Variants in MIA2 observed in about 807,000 individuals in gnomAD.
MIA2 encodes the protein MIA SH3 domain ER export factor 2, also known as melanoma inhibitory activity protein 2.
Under a neutral mutation model 167.8 loss-of-function variants are expected in MIA2, and 127 were observed. The observed-to-expected ratio is 0.76, with a 90% CI of 0.66 to 0.88. The LOEUF is 0.88. Among genes scored for constraint, MIA2 ranks in the 40% least tolerant of loss-of-function variants. MIA2 has a pLI of 0.00. For synonymous variants in MIA2, 552 were observed against 541.9 expected (o/e 1.02, Z -0.26); for missense variants, 1,690 against 1,624.7 (o/e 1.04, Z -0.69).
intron 19 of MIA2, among the ~76,000 whole-genome samples, chr14:39,314,201 C>G (rs1267718310): frequency 6.6e-6 from 1 of 152,082 alleles, no homozygotes; most frequent in South Asian, 2.1e-4. Flanking sequence ...GCCTGGTCAA[C>G]ATGATGAAAC....
At chr14:39,324,859 G>A (rs995932622) in intron 24 of MIA2, among the ~76,000 whole-genome samples, 2 of 151,986 alleles carry the variant, frequency 1.3e-5, no homozygotes, top group Admixed American at 6.6e-5. Context: ...CGCCCACCTC[G>A]GCCTCCCAGA....
intron 2 of MIA2, among the ~76,000 whole-genome samples, chr14:39,239,571 C>T (rs185680609): frequency 6.6e-6 from 1 of 152,136 alleles, no homozygotes; most frequent in East Asian, 1.9e-4. Context: ...AAAACAAAAA[C>T]AAAAACAAAA....
intron 2 of MIA2, among the ~76,000 whole-genome samples, chr14:39,239,226 T>C (rs771499498): frequency 3.3e-5 from 5 of 152,202 alleles, no homozygotes; most frequent in African/African-American, 4.8e-5. Flanking sequence ...TTCCCAACTT[T>C]CCCTACTGCT....
chr14:39,270,058 A>G (rs1019516679), intron 6 of MIA2, among the ~76,000 whole-genome samples: 2 of 152,170 alleles, frequency 1.3e-5, no homozygotes, highest in Non-Finnish European at 2.9e-5. Context: ...TCCAGAGGTC[A>G]CACCATTTTA....
intron 23 of MIA2, among the ~76,000 whole-genome samples, chr14:39,372,383 G>T (rs535732888): frequency 6.6e-6 from 1 of 152,244 alleles, no homozygotes; most frequent in Non-Finnish European, 1.5e-5. Context: ...TTACATCAAA[G>T]ATCTATGAGT....
chr14:39,277,740 A>G (rs1233800853), intron 7 of MIA2, among the ~76,000 whole-genome samples: 1 of 3,690 alleles, frequency 2.7e-4, no homozygotes, highest in African/African-American at 1.4e-3. Context: ...ATATATATAT[A>G]TATGTGTGTA....
At chr14:39,321,190 T>C in intron 24 of MIA2, 134 bp downstream of exon 24, 2 of 830,048 alleles carry the variant, frequency 2.4e-6, no homozygotes, top group Non-Finnish European at 3.6e-6. Context: ...AGATAACTTT[T>C]ATTTGGAAAA....
intron 6 of MIA2, among the ~76,000 whole-genome samples, chr14:39,263,956 A>G (rs1379597931): frequency 6.6e-6 from 1 of 151,624 alleles, no homozygotes; most frequent in East Asian, 1.9e-4. Flanking sequence ...TCTTATTTCC[A>G]TGTTTATTTT....
At chr14:39,325,602 T>C (rs545416898) in intron 24 of MIA2, among the ~76,000 whole-genome samples, 85 of 151,586 alleles carry the variant, frequency 5.6e-4, no homozygotes, top group Admixed American at 2.2e-3. Context: ...CTCCTGACCT[T>C]GTGACCCGCC....
intron 25 of MIA2, among the ~76,000 whole-genome samples, chr14:39,341,193 T>C (rs1211479333): frequency 6.6e-6 from 1 of 151,946 alleles, no homozygotes; most frequent in Non-Finnish European, 1.5e-5. Context: ...TCCCAGCTGC[T>C]CGGGAGGCTG....
chr14:39,290,275 C>T (rs1046371521), intron 9 of MIA2, among the ~76,000 whole-genome samples: 1 of 152,144 alleles, frequency 6.6e-6, no homozygotes, highest in African/African-American at 2.4e-5. Context: ...TCCCACTTCT[C>T]TCACAAATTC....
At chr14:39,338,389 A>G (rs920494489) in intron 25 of MIA2, among the ~76,000 whole-genome samples, 10 of 152,218 alleles carry the variant, frequency 6.6e-5, no homozygotes, top group Non-Finnish European at 1.5e-5. Context: ...ATTGTATATC[A>G]TACACATACA....
chr14:39,271,110 C>T (rs1178505942), intron 6 of MIA2, among the ~76,000 whole-genome samples: 15 of 152,170 alleles, frequency 9.9e-5, no homozygotes, highest in Admixed American at 9.8e-4. Context: ...GTTCTTCGAT[C>T]CACTTTGAGT....
At chr14:39,314,680 G>GT in intron 19 of MIA2, 59 bp from the exon 20 acceptor site, 2 of 1,131,954 alleles carry the variant, frequency 1.8e-6, no homozygotes, top group African/African-American at 1.6e-5. Flanking sequence ...TTAGTAGAGA[G>GT]TATGTTCTGT....
intron 6 of MIA2, chr14:39,266,931 G>A (rs574648019): frequency 6.2e-5 from 40 of 648,460 alleles, no homozygotes; most frequent in Non-Finnish European, 6.3e-5. Context: ...TTGGGACATA[G>A]CCCTGGTCTT....
At chr14:39,349,360 A>G (rs965639915) in intron 28 of MIA2, among the ~76,000 whole-genome samples, 2 of 152,210 alleles carry the variant, frequency 1.3e-5, no homozygotes, top group African/African-American at 4.8e-5. Context: ...ATATTTTTTA[A>G]AGTCTTTTTC....
rs1368426703 is a variant in MIA2, at chr14:39,372,226, T to C, written c.2249-14659T>C. 2.0e-5 allele frequency among the ~76,000 whole-genome samples: 3 copies of C among 152,180 alleles called. No homozygotes were observed. In the East Asian group the frequency reaches 5.8e-4, roughly 29 times the overall value. On this transcript the variant is annotated intron_variant, in intron 23 of 23. Coordinates refer to the MIA2 transcript ENST00000341502. ...CACATAGGAATAAGCTTATTCCTCT[T>C]TTCCTAGAAAGCCAAGTGTGTGTTT...
At chr14:39,348,319 A>G (rs1457446885) in intron 27 of MIA2, among the ~76,000 whole-genome samples, 2 of 152,204 alleles carry the variant, frequency 1.3e-5, no homozygotes, top group African/African-American at 4.8e-5. Context: ...TTAGTTTAAG[A>G]TTTTAGTTCC....
At chr14:39,365,478 A>AT (rs1026697544) in intron 23 of MIA2, among the ~76,000 whole-genome samples, 1 of 151,366 alleles carries the variant, frequency 6.6e-6, no homozygotes, top group Non-Finnish European at 1.5e-5. Flanking sequence ...CATTCTTATT[A>AT]TTTTTTCTTT....
Sources: allele counts gnomAD v4.1 joint callset (sites outside exome capture counted in the v4.1 genomes callset), GRCh38; gene constraint gnomAD v4.1.1; transcripts MANE v1.5; gene names NCBI Gene and HGNC (gene_info 2026-07-23, HGNC 2026-07-21).